Variants in PGPEP1L observed in about 807,000 individuals in gnomAD.
PGPEP1L encodes the protein pyroglutamyl-peptidase I like.
A neutral mutation model predicts 6.0 loss-of-function variants in PGPEP1L; 7 were observed. The observed-to-expected ratio is 1.17, with a 90% CI of 0.66 to 2.19. The LOEUF is 2.19. Ranked by LOEUF, PGPEP1L falls within the 30% of genes most tolerant of loss-of-function variation. The pLI, the probability that PGPEP1L is intolerant of heterozygous loss-of-function variation, is 0.00. For missense variants in PGPEP1L, 209 were observed against 192.5 expected, an observed-to-expected ratio of 1.09 and a Z score of -0.51; for synonymous variants, 103 against 83.9, an observed-to-expected ratio of 1.23 and a Z score of -1.24.
At chr15:98,969,286 G>A (rs2017453488) in intron 4 of PGPEP1L, 139 bp downstream of exon 4, 2 of 1,038,944 alleles carry the variant, frequency 1.9e-6, no homozygotes, top group African/African-American at 1.6e-5. Flanking sequence ...ACACAGCAAA[G>A]AGGGGCAATC....
At chr15:98,987,129 G>GCAC in intron 2 of PGPEP1L, among the ~76,000 whole-genome samples, 1 of 118,458 alleles carries the variant, frequency 8.4e-6, no homozygotes, top group East Asian at 2.8e-4. Flanking sequence ...TTGTGCCACT[G>GCAC]CACTCCAGCC....
intron 2 of PGPEP1L, among the ~76,000 whole-genome samples, chr15:99,003,583 T>G (rs2018005415): frequency 6.6e-6 from 1 of 152,156 alleles, no homozygotes; most frequent in Non-Finnish European, 1.5e-5. Flanking sequence ...TCCCACCATC[T>G]GTCTACATGC....
intron 2 of PGPEP1L, among the ~76,000 whole-genome samples, chr15:98,974,655 G>C (rs2017543353): frequency 1.3e-5 from 2 of 152,214 alleles, no homozygotes; most frequent in African/African-American, 4.8e-5. Flanking sequence ...CCAGCACTTT[G>C]GGAGGCCAAG....
At chr15:98,982,238 C>T (rs2017674966) in intron 2 of PGPEP1L, among the ~76,000 whole-genome samples, 2 of 152,232 alleles carry the variant, frequency 1.3e-5, no homozygotes, top group African/African-American at 4.8e-5. Context: ...TCCATCTGCA[C>T]TCGCCTCGAT....
At chr15:99,006,792 T>C (rs1366948034) in intron 1 of PGPEP1L, among the ~76,000 whole-genome samples, 1 of 152,220 alleles carries the variant, frequency 6.6e-6, no homozygotes, top group African/African-American at 2.4e-5. Flanking sequence ...AGTGAGACCC[T>C]GTCTCTAAAA....
At chr15:98,995,087 C>A (rs1406336339) in intron 2 of PGPEP1L, among the ~76,000 whole-genome samples, 1 of 152,162 alleles carries the variant, frequency 6.6e-6, no homozygotes, top group Non-Finnish European at 1.5e-5. Flanking sequence ...TGCCTTTCAT[C>A]ACTTCTGGAA....
At chr15:98,978,886 C>T (rs11631458) in intron 2 of PGPEP1L, among the ~76,000 whole-genome samples, 134,692 of 151,292 alleles carry the variant, frequency 0.89, 60,365 homozygotes, top group South Asian at 0.94. Context: ...CGCGCCATCA[C>T]GCCCAGTTAA....
At chr15:98,971,208 GGGTGGGCACC>G in intron 2 of PGPEP1L, 50 bp from the exon 3 acceptor site, 11 of 141,074 alleles carry the variant, frequency 7.8e-5, no homozygotes, top group Non-Finnish European at 1.1e-4. Flanking sequence ...GGGGGGGGGG[GGGTGGGCACC>G]AAGAGTCCCT....
intron 2 of PGPEP1L, among the ~76,000 whole-genome samples, chr15:98,987,566 G>T (rs1227715328): frequency 6.6e-6 from 1 of 152,182 alleles, no homozygotes; most frequent in Admixed American, 6.5e-5. Flanking sequence ...TGGCAGTGGT[G>T]CCTTTACCCA....
chr15:98,985,849 C>G (rs1175041449), intron 2 of PGPEP1L, among the ~76,000 whole-genome samples: 3 of 152,228 alleles, frequency 2.0e-5, no homozygotes, highest in Non-Finnish European at 4.4e-5. Flanking sequence ...AGAATTTATT[C>G]CAGCTTTTCA....
At chr15:98,987,917 G>A (rs1239606187) in intron 2 of PGPEP1L, among the ~76,000 whole-genome samples, 1 of 152,140 alleles carries the variant, frequency 6.6e-6, no homozygotes, top group South Asian at 2.1e-4. Flanking sequence ...AAGGGAAGCT[G>A]TGAGAGACTG....
intron 1 of PGPEP1L, among the ~76,000 whole-genome samples, chr15:99,006,411 TG>T (rs1555473634): frequency 6.6e-6 from 1 of 152,278 alleles, no homozygotes; most frequent in Non-Finnish European, 1.5e-5. Context: ...CACCTGGCTC[TG>T]CAGACAGTCC....
In PGPEP1L at chr15:98,969,712, A is replaced by ATTT. The variant is rs1277592630; in HGVS notation, c.-18-62_-18-61insAAA. 9 of 1,543,630 alleles carry ATTT rather than the reference A, an allele frequency of 5.8e-6. No individual in the cohort carries two copies. The East Asian group carries it at 2.0e-4, about 35-fold the overall frequency. Reference sequence around the variant, plus strand: ...AAACGAGGCCCACCCTGCTCACCAAATGTGCAGAAGGGGCCACTCCTTTTG... The same window carrying ATTT: ...AAACGAGGCCCACCCTGCTCACCAAATTTTGTGCAGAAGGGGCCACTCCTTTTG... On this transcript the variant is annotated intron_variant, in intron 3 of 4. Coordinates refer to ENST00000535714, the MANE Select transcript of PGPEP1L (RefSeq NM_001167902.2).
intron 2 of PGPEP1L, among the ~76,000 whole-genome samples, chr15:98,980,203 A>G (rs537912418): frequency 6.6e-6 from 1 of 152,244 alleles, no homozygotes; most frequent in East Asian, 1.9e-4. Context: ...AATAAATGAA[A>G]AGTGTCCAAC....
At chr15:98,979,684 T>TCTGTCACC (rs990569942) in intron 2 of PGPEP1L, among the ~76,000 whole-genome samples, 2 of 117,164 alleles carry the variant, frequency 1.7e-5, no homozygotes, top group African/African-American at 6.6e-5. Flanking sequence ...AGAGTCTCAC[T>TCTGTCACC]CTGTCACCCA....
chr15:98,976,635 C>G (rs2017573772), intron 2 of PGPEP1L, among the ~76,000 whole-genome samples: 1 of 152,008 alleles, frequency 6.6e-6, no homozygotes, highest in South Asian at 2.1e-4. Context: ...AGATGTTTTC[C>G]TAGGAACAGA....
chr15:98,979,478 T>C (rs1022421542), intron 2 of PGPEP1L, among the ~76,000 whole-genome samples: 3 of 152,066 alleles, frequency 2.0e-5, no homozygotes, highest in African/African-American at 7.2e-5. Flanking sequence ...GCCCAACAAT[T>C]TGCAATTGCA....
Position 98,971,107 on chromosome 15 carries a change from G to A in PGPEP1L, c.-90C>T, listed in dbSNP as rs1002596037. 8.7e-6 allele frequency: 14 copies of A among 1,609,374 alleles called. No homozygotes were observed. Among genetic ancestry groups the A allele is most frequent in the Non-Finnish European group, 1.2e-5 (14 of 1,177,664 alleles). On this transcript the variant is annotated 5_prime_UTR_variant, in exon 3 of 5. Coordinates refer to ENST00000535714, the MANE Select transcript of PGPEP1L (RefSeq NM_001167902.2). ...TCCCTGTAATCTACAGGCAGCTCCA[G>A]AGTCCGCAGCTGCACCACTGTTTCA...
rs1246874372 is a variant in PGPEP1L, at chr15:98,969,460, C to T, written c.174G>A (p.Glu58=). ...MKAVCKRVAV[E]GVDVIFSRDA... ...CTCGGGAAAAGATCACGTCGACACC[C>T]TCCACAGCTACGCGCTTGCAGACTG... Residue 58 remains glutamate (E), a synonymous_variant, in exon 4 of 5, where the codon GAG becomes GAA. Transcript: ENST00000535714. 4 of 1,613,922 alleles carry T rather than the reference C, an allele frequency of 2.5e-6. No homozygotes were observed. The highest frequency in any genetic ancestry group is 1.7e-5 in the Admixed American group (1 of 60,006).
Sources: gnomAD v4.1 joint callset for allele counts (sites outside exome capture counted in the v4.1 genomes callset) on GRCh38, gnomAD v4.1.1 for gene constraint, MANE v1.5 for transcripts, NCBI Gene and HGNC (gene_info 2026-07-23, HGNC 2026-07-21) for gene names.